PLXNA4: variants seen among roughly 807,000 people sequenced by gnomAD.
PLXNA4 encodes plexin A4.
In PLXNA4, 44 loss-of-function variants were observed where a neutral mutation model predicts 191.8. That is an observed-to-expected ratio of 0.23 (90% CI 0.18 to 0.29). PLXNA4 has a LOEUF of 0.29. PLXNA4 is among the 10% of genes least tolerant of loss of function. The probability of loss-of-function intolerance (pLI) is 1.00; values close to 1 mark genes in which losing one functional copy is unlikely to be tolerated. For missense variants in PLXNA4, 1,800 were observed against 2,488.8 expected (o/e 0.72, Z 5.89); for synonymous variants, 1,082 against 1,009.5 (o/e 1.07, Z -1.36).
At chr7:132,562,522 C>T (rs899191892) in intron 1 of PLXNA4, among the ~76,000 whole-genome samples, 5 of 130,366 alleles carry the variant, frequency 3.8e-5, no homozygotes, top group African/African-American at 9.6e-5. Flanking sequence ...TCCTCCTCTT[C>T]CTCCTCCTTC....
At chr7:132,503,071 G>C (rs1448832354) in intron 2 of PLXNA4, among the ~76,000 whole-genome samples, 1 of 152,154 alleles carries the variant, frequency 6.6e-6, no homozygotes, top group African/African-American at 2.4e-5. Context: ...TACTATGGCC[G>C]AGACTATCTG....
intron 10 of PLXNA4, among the ~76,000 whole-genome samples, chr7:132,204,242 G>C (rs1797538485): frequency 6.6e-6 from 1 of 152,212 alleles, no homozygotes; most frequent in Admixed American, 6.5e-5. Context: ...CTGGCTTGAA[G>C]ATGATGGTGG....
chr7:132,343,292 G>A (rs1257238040), intron 3 of PLXNA4, among the ~76,000 whole-genome samples: 2 of 152,182 alleles, frequency 1.3e-5, no homozygotes, highest in Non-Finnish European at 2.9e-5. Context: ...TGGCCGAGCA[G>A]TGTTAAGAAC....
chr7:132,450,371 T>C (rs1796074672), intron 3 of PLXNA4, among the ~76,000 whole-genome samples: 1 of 152,122 alleles, frequency 6.6e-6, no homozygotes, highest in South Asian at 2.1e-4. Flanking sequence ...AGGAAGCAGG[T>C]AGGTCTTTGC....
At chr7:132,159,711 A>T (rs1473816433) in intron 24 of PLXNA4, 79 bp from the exon 25 acceptor site, 2 of 1,579,606 alleles carry the variant, frequency 1.3e-6, no homozygotes, top group African/African-American at 1.3e-5. Flanking sequence ...GCACCCTGGG[A>T]TTCCGTCCTG....
At chr7:132,418,482 A>G (rs965009786) in intron 3 of PLXNA4, among the ~76,000 whole-genome samples, 7 of 152,240 alleles carry the variant, frequency 4.6e-5, no homozygotes, top group Non-Finnish European at 1.0e-4. Context: ...TCCCCTGCTC[A>G]GACAAAGCAT....
intron 3 of PLXNA4, among the ~76,000 whole-genome samples, chr7:132,312,510 T>C (rs1320990185): frequency 2.6e-5 from 4 of 152,206 alleles, no homozygotes; most frequent in African/African-American, 7.2e-5. Context: ...ATCAATATGT[T>C]AATATAATAT....
chr7:132,143,693 C>T (rs1021154068), intron 29 of PLXNA4, among the ~76,000 whole-genome samples: 13 of 152,312 alleles, frequency 8.5e-5, no homozygotes, highest in Non-Finnish European at 1.3e-4. Flanking sequence ...AAGAGTTAAA[C>T]GCATCTTACC....
chr7:132,622,382 C>T (rs1409869287), intron 2 of PLXNA4, among the ~76,000 whole-genome samples: 1 of 152,162 alleles, frequency 6.6e-6, no homozygotes, highest in Non-Finnish European at 1.5e-5. Flanking sequence ...ATTATTACAG[C>T]AACCACCAGT....
chr7:132,293,931 C>T (rs13243152), intron 4 of PLXNA4, among the ~76,000 whole-genome samples: 3 of 152,028 alleles, frequency 2.0e-5, no homozygotes, highest in South Asian at 4.1e-4. Context: ...CATTTAGTCA[C>T]CCATTCCACA....
At chr7:132,566,525 G>A (rs1684041315) in intron 1 of PLXNA4, among the ~76,000 whole-genome samples, 1 of 152,058 alleles carries the variant, frequency 6.6e-6, no homozygotes, top group South Asian at 2.1e-4. Context: ...AGGGAGATGT[G>A]TCTTAATAAC....
chr7:132,381,910 C>T (rs776294320), intron 3 of PLXNA4, among the ~76,000 whole-genome samples: 2 of 152,182 alleles, frequency 1.3e-5, no homozygotes, highest in Non-Finnish European at 2.9e-5. Context: ...CATCTGTGCA[C>T]CCCCGCAGGC....
chr7:132,601,576 A>G (rs1368369817), intron 2 of PLXNA4, among the ~76,000 whole-genome samples: 1 of 152,176 alleles, frequency 6.6e-6, no homozygotes, highest in African/African-American at 2.4e-5. Flanking sequence ...ATGGATAAGG[A>G]GGTGACCTTG....
At chr7:132,460,538 G>T (rs1204482109) in intron 3 of PLXNA4, among the ~76,000 whole-genome samples, 3 of 152,142 alleles carry the variant, frequency 2.0e-5, no homozygotes, top group African/African-American at 7.2e-5. Context: ...AAAGAACCTT[G>T]GGTGATGTTT....
chr7:132,359,572 A>C (rs1313687156), intron 3 of PLXNA4, among the ~76,000 whole-genome samples: 2 of 152,190 alleles, frequency 1.3e-5, no homozygotes, highest in Admixed American at 1.3e-4. Context: ...CAGTAATCAA[A>C]AGAAATAATA....
intron 21 of PLXNA4, among the ~76,000 whole-genome samples, chr7:132,171,140 A>ACTC (rs1196381151): frequency 2.6e-5 from 4 of 152,176 alleles, no homozygotes; most frequent in African/African-American, 4.8e-5. Flanking sequence ...CCTTCAAATT[A>ACTC]CTCAGAAGAG....
intron 3 of PLXNA4, among the ~76,000 whole-genome samples, chr7:132,465,705 C>T (rs1343364743): frequency 1.3e-5 from 2 of 152,090 alleles, no homozygotes; most frequent in African/African-American, 4.8e-5. Context: ...AATGTCAGTT[C>T]GGGCCAGATG....
intron 1 of PLXNA4, among the ~76,000 whole-genome samples, chr7:132,550,929 C>T (rs1430771601): frequency 6.6e-6 from 1 of 152,202 alleles, no homozygotes; most frequent in Non-Finnish European, 1.5e-5. Context: ...CAAAAACAAG[C>T]CCCACCTCTT....
chr7:132,428,293 C>T (rs1309442159), intron 3 of PLXNA4, among the ~76,000 whole-genome samples: 3 of 152,234 alleles, frequency 2.0e-5, no homozygotes, highest in African/African-American at 7.2e-5. Context: ...ATTCTACCCA[C>T]TCAGGCTGAA....
Sources: gnomAD v4.1 joint callset for allele counts (sites outside exome capture counted in the v4.1 genomes callset) on GRCh38, gnomAD v4.1.1 for gene constraint, MANE v1.5 for transcripts, NCBI Gene and HGNC (gene_info 2026-07-23, HGNC 2026-07-21) for gene names.